The following SLC1A6 variants were observed in gnomAD, a reference collection of about 807,000 sequenced individuals.
SLC1A6 encodes the protein excitatory amino acid transporter 4.
Under a neutral mutation model 42.1 loss-of-function variants are expected in SLC1A6, and 15 were observed. The observed-to-expected ratio is 0.36, with a 90% CI of 0.24 to 0.55. The LOEUF (loss-of-function observed/expected upper bound fraction) is 0.55, where lower values mean the gene tolerates loss of function less well. Ranked by LOEUF, SLC1A6 falls within the 20% of genes least tolerant of loss-of-function variation. The pLI is 0.88. For missense variants in SLC1A6, 542 were observed against 772.5 expected, an observed-to-expected ratio of 0.70 and a Z score of 3.54; for synonymous variants, 317 against 319.7, an observed-to-expected ratio of 0.99 and a Z score of 0.09.
At chr19:14,999,216 C>G (rs1001222855) in intron 1 of SLC1A6, among the ~76,000 whole-genome samples, 30 of 152,134 alleles carry the variant, frequency 2.0e-4, no homozygotes, top group African/African-American at 7.0e-4. Context: ...AAGCCTGCTA[C>G]CTGGTGGCTT....
rs533628198 is a variant in SLC1A6 at position 14,951,918 on chromosome 19, G to A, written c.1499+1010C>T. Among the ~76,000 whole-genome samples the A allele has an allele frequency of 2.6e-5, 4 of 151,912 alleles. No homozygotes were observed. The East Asian group carries it at 7.8e-4, about 30-fold the overall frequency. On this transcript the variant is annotated intron_variant, in intron 9 of 9. Transcript: ENST00000594383. ...CAGCCTCAACCTCCCAGGTTCAAGA[G>A]TTCCTCCCACCTCAGCCTCCCAAGC...
intron 7 of SLC1A6, 116 bp downstream of exon 7, chr19:14,956,360 G>C (rs1461823523): frequency 1.5e-5 from 10 of 646,766 alleles, no homozygotes; most frequent in Non-Finnish European, 2.7e-5. Flanking sequence ...CCTGGACATT[G>C]TTGGACGACT....
Position 14,954,257 on chromosome 19 carries a change from G to A in SLC1A6, c.1242C>T (p.Phe414=), listed in dbSNP as rs1382137832. 6.2e-7 allele frequency: 1 copy of A among 1,613,998 alleles called. No individual in the cohort carries two copies. Among genetic ancestry groups the A allele is most frequent in the Non-Finnish European group, 8.5e-7 (1 of 1,180,038 alleles). ...GLGVDRRITR[F]VLPVGATVNM... is the part of the protein sequence containing the mutation. ...TGACCGTGGCGCCCACGGGCAGGACGAACCTGGTGATGCGGCGGTCCACAC... is the reference window on the plus strand; with the variant it reads ...TGACCGTGGCGCCCACGGGCAGGACAAACCTGGTGATGCGGCGGTCCACAC... The change falls in exon 8 of 10, where the codon TTC becomes TTT. Residue 414 remains phenylalanine (F), a synonymous_variant. Coordinates refer to ENST00000594383, the MANE Select transcript of SLC1A6 (RefSeq NM_005071.3).
chr19:14,991,068 C>T (rs1174925785), intron 1 of SLC1A6, among the ~76,000 whole-genome samples: 1 of 152,042 alleles, frequency 6.6e-6, no homozygotes, highest in Non-Finnish European at 1.5e-5. Flanking sequence ...ATTTTTAAAA[C>T]ACACCTTAAA....
At position 14,972,856 on chromosome 19, in the gene SLC1A6, G is replaced by T; in HGVS notation, c.55C>A (p.Arg19=). 2 of 1,603,472 alleles carry T rather than the reference G, an allele frequency of 1.2e-6. No individual in the cohort carries two copies. Among genetic ancestry groups the T allele is most frequent in the South Asian group, 2.2e-5 (2 of 89,954 alleles). Reference sequence around the variant, plus strand: ...TGCAGCCGCTGCAGCCAGCCCACCCGGCCCAGCCGCTGGCCGCTCTCCCGC... The same window carrying T: ...TGCAGCCGCTGCAGCCAGCCCACCCTGCCCAGCCGCTGGCCGCTCTCCCGC... ...FLRESGQRLG[R]VGWLQRLQES... Residue 19 remains arginine (R), a synonymous_variant, in exon 2 of 10, where the codon CGG becomes AGG. Transcript: ENST00000594383.
chr19:15,007,898 A>G lies in SLC1A6; in HGVS notation c.6+2587T>C, dbSNP rs563470876. ...AAATTAGCCGGGTGTGGTGACACGC[A>G]CCTGTAATCCCAGCTACCCGGGAGG... On this transcript the variant is annotated intron_variant, in intron 1 of 8. Coordinates refer to the SLC1A6 transcript ENST00000430939. 2.0e-5 allele frequency among the ~76,000 whole-genome samples: 3 copies of G among 152,008 alleles called. No individual in the cohort carries two copies. In the South Asian group the frequency reaches 6.3e-4, roughly 32 times the overall value.
chr19:14,994,475 T>C (rs929426678), intron 1 of SLC1A6, among the ~76,000 whole-genome samples: 1 of 152,108 alleles, frequency 6.6e-6, no homozygotes, highest in African/African-American at 2.4e-5. Context: ...CTGTATGGTT[T>C]CTTTACCCCC....
At chr19:15,004,099 T>G (rs2045885242) in intron 1 of SLC1A6, among the ~76,000 whole-genome samples, 2 of 152,060 alleles carry the variant, frequency 1.3e-5, no homozygotes. Context: ...GAGGTTGCAG[T>G]GAGCCAAGAT....
At chr19:14,962,758 C>G (rs1052071085) in intron 5 of SLC1A6, among the ~76,000 whole-genome samples, 5 of 152,104 alleles carry the variant, frequency 3.3e-5, no homozygotes, top group African/African-American at 9.7e-5. Flanking sequence ...CAAAAATTAG[C>G]TGGGTGTGGC....
chr19:14,971,909 C>A, intron 2 of SLC1A6, 35 bp from the exon 3 acceptor site: 1 of 1,611,072 alleles, frequency 6.2e-7, no homozygotes, highest in South Asian at 1.1e-5. Flanking sequence ...GGACTGAAGT[C>A]TGGGTCGCTC....
intron 1 of SLC1A6, among the ~76,000 whole-genome samples, chr19:15,000,577 G>T (rs2045867710): frequency 6.6e-6 from 1 of 152,234 alleles, no homozygotes; most frequent in South Asian, 2.1e-4. Flanking sequence ...GTATTCTATT[G>T]TGTATATGTG....
In SLC1A6 at chr19:14,968,429, A is replaced by G. The variant is rs767105210; in HGVS notation, c.422T>C (p.Ile141Thr). ...AAVYYMVTTI[I>T]AVFIGILMVT... Reference sequence around the variant, plus strand: ...CATGAGGATGCCGATGAAGACCGCGATGATGGTGGTCACCATGTAGTACAC... The same window carrying G: ...CATGAGGATGCCGATGAAGACCGCGGTGATGGTGGTCACCATGTAGTACAC... The change falls in exon 4 of 10, where the codon ATC becomes ACC. Residue 141 changes from isoleucine (I) to threonine (T), a missense_variant. Ile to Thr is a moderately conservative substitution (Grantham distance 89, BLOSUM62 -1). Coordinates refer to ENST00000594383, the MANE Select transcript of SLC1A6 (RefSeq NM_005071.3). 6.2e-7 allele frequency: 1 copy of G among 1,613,798 alleles called. No homozygotes were observed. The highest frequency in any genetic ancestry group is 1.1e-5 in the South Asian group (1 of 90,978).
chr19:14,964,544 T>C (rs988819820), intron 4 of SLC1A6, among the ~76,000 whole-genome samples, 183 bp from the exon 5 acceptor site: 3 of 152,088 alleles, frequency 2.0e-5, no homozygotes, highest in African/African-American at 7.2e-5. Flanking sequence ...ACCCTAGACA[T>C]GAGTCCTATT....
At chr19:14,990,075 T>C (rs1054258600) in intron 1 of SLC1A6, among the ~76,000 whole-genome samples, 5 of 151,960 alleles carry the variant, frequency 3.3e-5, no homozygotes, top group Non-Finnish European at 5.9e-5. Context: ...CTACTGGATA[T>C]GTATATCTAA....
At chr19:14,994,517 GC>G (rs1404545398) in intron 1 of SLC1A6, among the ~76,000 whole-genome samples, 1 of 152,024 alleles carries the variant, frequency 6.6e-6, no homozygotes, top group East Asian at 1.9e-4. Flanking sequence ...CCCTCAAACT[GC>G]CCAGTCTACC....
rs774288186 is a variant in SLC1A6, at chr19:14,954,091, G to A, written c.1364+44C>T. 14 of 1,093,584 alleles carry A rather than the reference G, an allele frequency of 1.3e-5. 1 individual carries two copies. In the South Asian group the frequency reaches 1.5e-4, roughly 12 times the overall value. 67.7% of individuals were successfully genotyped at this position (1,093,584 alleles called of 1,614,324 possible). On this transcript the variant is annotated intron_variant, in intron 8 of 9. Coordinates refer to ENST00000594383, the MANE Select transcript of SLC1A6 (RefSeq NM_005071.3). The stretch of plus-strand genomic sequence containing the variant: ...AACCCTCCCAGCCAAGCTGATGACC[G>A]CTTAAGTCTCACCTGCTGGCAGGTC...
chr19:14,974,508 C>T (rs1211758979), intron 1 of SLC1A6: 1 of 151,858 alleles, frequency 6.6e-6, no homozygotes, highest in African/African-American at 2.4e-5. Context: ...TGTCTACCAA[C>T]TAAACACCTC....
chr19:15,004,861 CATA>C (rs1272038999), intron 1 of SLC1A6, among the ~76,000 whole-genome samples: 6 of 152,174 alleles, frequency 3.9e-5, no homozygotes, highest in Admixed American at 2.0e-4. Flanking sequence ...GTCTTGTGTA[CATA>C]ATGTTTCTGT....
At chr19:14,996,143 T>A (rs1600035636) in intron 1 of SLC1A6, among the ~76,000 whole-genome samples, 2 of 152,354 alleles carry the variant, frequency 1.3e-5, no homozygotes, top group South Asian at 2.1e-4. Context: ...ATTAGAATCA[T>A]GCCTACCTGC....
Sources: gnomAD v4.1 joint callset for allele counts (sites outside exome capture counted in the v4.1 genomes callset) on GRCh38, gnomAD v4.1.1 for gene constraint, MANE v1.5 for transcripts, NCBI Gene and HGNC (gene_info 2026-07-23, HGNC 2026-07-21) for gene names.